STS: variants seen among roughly 807,000 people sequenced by gnomAD.
STS encodes the protein steroid sulfatase, also known as steryl-sulfatase.
A neutral mutation model predicts 26.8 loss-of-function variants in STS; 7 were observed. The observed-to-expected ratio is 0.26, with a 90% CI of 0.15 to 0.49. The LOEUF (loss-of-function observed/expected upper bound fraction) is 0.49. STS is among the 20% of genes least tolerant of loss of function. The pLI is 0.98. For synonymous variants in STS, 199 were observed against 189.4 expected, an observed-to-expected ratio of 1.05 and a Z score of -0.42; for missense variants, 434 against 465.6, an observed-to-expected ratio of 0.93 and a Z score of 0.63.
intron 8 of STS, among the ~76,000 whole-genome samples, chrX:7,320,945 T>C (rs1301530868): frequency 8.9e-6 from 1 of 111,870 alleles, no homozygotes; most frequent in Non-Finnish European, 1.9e-5. Flanking sequence ...GGTCAGAGCC[T>C]GCTGAGGAGA....
chrX:7,227,105 T>C (rs1157217360), intron 2 of STS, among the ~76,000 whole-genome samples: 1 of 112,243 alleles, frequency 8.9e-6, no homozygotes. Flanking sequence ...TTGTATAAAG[T>C]GCATATTCAA....
At chrX:7,202,753 A>G (rs1193149627) in intron 2 of STS, among the ~76,000 whole-genome samples, 1 of 111,299 alleles carries the variant, frequency 9.0e-6, no homozygotes, top group African/African-American at 3.3e-5. Flanking sequence ...GGGCATTGGC[A>G]TGGGAGTTGG....
intron 2 of STS, among the ~76,000 whole-genome samples, chrX:7,197,763 C>T (rs1456855720): frequency 9.0e-6 from 1 of 111,214 alleles, no homozygotes; most frequent in Non-Finnish European, 1.9e-5. Flanking sequence ...CTAGGAACAC[C>T]TAACTTTCTG....
chrX:7,263,053 T>C (rs757039081), intron 6 of STS, among the ~76,000 whole-genome samples: 19 of 112,291 alleles, frequency 1.7e-4, no homozygotes, highest in Non-Finnish European at 3.0e-4. Context: ...AGCTGCCTTA[T>C]GCAGCTGTAC....
chrX:7,330,970 A>G (rs1464772127), intron 9 of STS, among the ~76,000 whole-genome samples: 1 of 112,134 alleles, frequency 8.9e-6, no homozygotes, highest in Non-Finnish European at 1.9e-5. Flanking sequence ...CCATTTGTAT[A>G]TCAAATAAGC....
intron 7 of STS, among the ~76,000 whole-genome samples, chrX:7,278,869 T>A (rs1924666716): frequency 8.9e-6 from 1 of 111,752 alleles, no homozygotes; most frequent in South Asian, 3.7e-4. Context: ...TGTCAAGAAA[T>A]CACTGGCATG....
chrX:7,152,621 A>C (rs909622602), intron 1 of STS, among the ~76,000 whole-genome samples: 1 of 113,023 alleles, frequency 8.8e-6, no homozygotes, highest in Non-Finnish European at 1.9e-5. Context: ...ACCCAGCCCT[A>C]ACATTTAATA....
At chrX:7,254,421 A>T (rs1304929807) in intron 3 of STS, among the ~76,000 whole-genome samples, 1 of 110,799 alleles carries the variant, frequency 9.0e-6, no homozygotes. Flanking sequence ...TTAAAATTTC[A>T]CTTTCTCTTC....
chrX:7,176,340 G>A (rs1238809823), intron 1 of STS, among the ~76,000 whole-genome samples: 2 of 111,441 alleles, frequency 1.8e-5, no homozygotes, highest in Admixed American at 1.9e-4. Context: ...TTAGGAAAGG[G>A]GTGGGCTTGG....
intron 2 of STS, among the ~76,000 whole-genome samples, chrX:7,240,902 A>G (rs1431712484): frequency 9.0e-6 from 1 of 110,743 alleles, no homozygotes; most frequent in Non-Finnish European, 1.9e-5. Context: ...GCGGGAGTGA[A>G]ACGAAACCAT....
chrX:7,339,083 A>T (rs1601760345), intron 10 of STS, among the ~76,000 whole-genome samples: 1 of 111,915 alleles, frequency 8.9e-6, no homozygotes, highest in African/African-American at 3.2e-5. Context: ...TCATTTAATT[A>T]AAAAATTAAT....
rs772615332 is a variant in STS, at chrX:7,318,847, G to A, written c.1082-6492G>A. ...CTCTGTGCATCTTACCTGAGCAGGG[G>A]TAAGCTACTTCTTTGCACCCAAGCA... On this transcript the variant is annotated intron_variant, in intron 8 of 10. Transcript: ENST00000674429. Among the ~76,000 whole-genome samples, 289 of 111,161 alleles carry A rather than the reference G, an allele frequency of 2.6e-3. 2 individuals carry two copies. Among genetic ancestry groups the A allele is most frequent in the Non-Finnish European group, 3.6e-3 (190 of 53,059 alleles).
intron 8 of STS, among the ~76,000 whole-genome samples, chrX:7,323,472 A>C (rs1332235722): frequency 2.7e-5 from 3 of 111,414 alleles, no homozygotes; most frequent in African/African-American, 9.8e-5. Context: ...AAGAACATGC[A>C]GTGTTTGATT....
chrX:7,198,534 C>T (rs989552893), intron 2 of STS, among the ~76,000 whole-genome samples: 20 of 111,785 alleles, frequency 1.8e-4, no homozygotes, highest in Non-Finnish European at 3.4e-4. Flanking sequence ...AATTTGTTGT[C>T]CTACAGAGGT....
intron 7 of STS, among the ~76,000 whole-genome samples, chrX:7,296,895 C>T (rs1925692349): frequency 8.9e-6 from 1 of 111,773 alleles, no homozygotes; most frequent in South Asian, 3.7e-4. Context: ...CCAGGTACAA[C>T]ACAATATAAG....
At chrX:7,169,626 A>G (rs997406189) in intron 1 of STS, among the ~76,000 whole-genome samples, 1 of 111,999 alleles carries the variant, frequency 8.9e-6, no homozygotes, top group African/African-American at 3.2e-5. Context: ...AAGTTTTACT[A>G]TCTCTTAGTT....
intron 2 of STS, chrX:7,252,216 G>A: frequency 1.5e-6 from 1 of 656,993 alleles, no homozygotes; most frequent in South Asian, 7.9e-5. Flanking sequence ...GTCAGGGTCA[G>A]AGCCACAGAG....
intron 6 of STS, among the ~76,000 whole-genome samples, chrX:7,264,130 T>C (rs1397535500): frequency 9.0e-6 from 1 of 111,567 alleles, no homozygotes; most frequent in Non-Finnish European, 1.9e-5. Flanking sequence ...ATGCCTGTTG[T>C]CTGGGTGCCT....
intron 10 of STS, among the ~76,000 whole-genome samples, chrX:7,348,080 G>A (rs1928605080): frequency 1.8e-5 from 2 of 111,707 alleles, no homozygotes; most frequent in African/African-American, 3.3e-5. Flanking sequence ...TCCTGCTCTC[G>A]CAGAATCAGC....
Sources: gnomAD v4.1 joint callset for allele counts (sites outside exome capture counted in the v4.1 genomes callset) on GRCh38, gnomAD v4.1.1 for gene constraint, MANE v1.5 for transcripts, NCBI Gene and HGNC (gene_info 2026-07-23, HGNC 2026-07-21) for gene names.